The following IKZF1 variants were observed in gnomAD, a reference collection of about 807,000 sequenced individuals.
IKZF1 encodes the protein DNA-binding protein Ikaros.
In IKZF1, 10 loss-of-function variants were observed where a neutral mutation model predicts 51.7. The observed-to-expected ratio is 0.19, with a 90% CI of 0.12 to 0.33. The LOEUF is 0.33. IKZF1 is among the 10% of genes least tolerant of loss of function. The probability of loss-of-function intolerance (pLI) is 1.00; values close to 1 mark genes in which losing one functional copy is unlikely to be tolerated. For synonymous variants in IKZF1, 280 were observed against 282.3 expected, an observed-to-expected ratio of 0.99 and a Z score of 0.08; for missense variants, 484 against 707.5, an observed-to-expected ratio of 0.68 and a Z score of 3.58.
Position 50,339,146 on chromosome 7 carries a change from A to G in IKZF1, c.160+11389A>G, listed in dbSNP as rs1798459796. ...TTATCTGTGCACCACTAGCTTAAATACACTTTTAATGTCCTGACAGCTGAA... is the reference window on the plus strand; with the variant it reads ...TTATCTGTGCACCACTAGCTTAAATGCACTTTTAATGTCCTGACAGCTGAA... On this transcript the variant is annotated intron_variant, in intron 3 of 7. Coordinates refer to ENST00000331340, the MANE Select transcript of IKZF1 (RefSeq NM_006060.6). 2.0e-5 allele frequency among the ~76,000 whole-genome samples: 3 copies of G among 151,978 alleles called. No homozygotes were observed. The South Asian group carries it at 6.2e-4, about 32-fold the overall frequency.
intron 4 of IKZF1, among the ~76,000 whole-genome samples, chr7:50,377,595 G>A (rs547776517): frequency 5.3e-5 from 8 of 152,318 alleles, no homozygotes; most frequent in South Asian, 4.1e-4. Context: ...TCTAATAGCC[G>A]GTCACGTTGA....
chr7:50,391,104 C>A (rs1172376300), intron 6 of IKZF1, among the ~76,000 whole-genome samples: 1 of 152,186 alleles, frequency 6.6e-6, no homozygotes, highest in Admixed American at 6.5e-5. Flanking sequence ...TGACATAGAA[C>A]AATTGAGAAT....
intron 3 of IKZF1, among the ~76,000 whole-genome samples, chr7:50,370,564 A>G (rs1248064388): frequency 3.3e-5 from 5 of 152,348 alleles, no homozygotes; most frequent in South Asian, 2.1e-4. Context: ...AGATAGGTCA[A>G]TGAGATTTTA....
chr7:50,386,414 TG>T (rs894586415), intron 5 of IKZF1, among the ~76,000 whole-genome samples: 24 of 152,248 alleles, frequency 1.6e-4, no homozygotes, highest in Non-Finnish European at 3.2e-4. Flanking sequence ...CAGCTACATA[TG>T]GCTGGTGGCT....
At chr7:50,384,907 T>G (rs188209248) in intron 5 of IKZF1, among the ~76,000 whole-genome samples, 54 of 152,358 alleles carry the variant, frequency 3.5e-4, no homozygotes, top group Non-Finnish European at 7.5e-4. Context: ...TTACTCTGAT[T>G]GCAATGGAAT....
chr7:50,377,636 T>C (rs1317574667), intron 4 of IKZF1, among the ~76,000 whole-genome samples: 1 of 152,230 alleles, frequency 6.6e-6, no homozygotes, highest in Non-Finnish European at 1.5e-5. Flanking sequence ...CCAACAGAAC[T>C]GTCCAGTCAG....
intron 3 of IKZF1, among the ~76,000 whole-genome samples, chr7:50,340,385 AGAT>A (rs1444940554): frequency 6.6e-6 from 1 of 152,142 alleles, no homozygotes; most frequent in Non-Finnish European, 1.5e-5. Context: ...AATCACCAGG[AGAT>A]GATTCTGGTG....
At position 50,316,821 on chromosome 7, in the gene IKZF1, G is replaced by C. The variant is rs567108257; in HGVS notation, c.-14-2227G>C. Among the ~76,000 whole-genome samples, 6 of 152,342 alleles carry C rather than the reference G, an allele frequency of 3.9e-5. No homozygotes were observed. In the East Asian group the frequency reaches 5.8e-4, roughly 15 times the overall value. On this transcript the variant is annotated intron_variant, in intron 1 of 7. Transcript: ENST00000331340. The stretch of plus-strand genomic sequence containing the variant: ...TGGAAGGGCGTTTGCCAGTGGTGTT[G>C]GTTGGAAGAGCCTTGACTTTGCCTT...
chr7:50,328,393 G>A (rs1795625291), intron 3 of IKZF1: 1 of 152,224 alleles, frequency 6.6e-6, no homozygotes, highest in South Asian at 2.1e-4. Context: ...ACCAAAGACG[G>A]AGAGAAGTTC....
At chr7:50,348,039 A>G (rs1277038691) in intron 3 of IKZF1, among the ~76,000 whole-genome samples, 1 of 152,170 alleles carries the variant, frequency 6.6e-6, no homozygotes, top group East Asian at 1.9e-4. Context: ...ACCAAGGGAC[A>G]TTTTAGTGTA....
chr7:50,384,286 CA>C (rs1257995031), intron 5 of IKZF1, among the ~76,000 whole-genome samples: 6 of 152,218 alleles, frequency 3.9e-5, no homozygotes, highest in Admixed American at 3.3e-4. Context: ...TGGCTGGAGA[CA>C]AAAAGGAGAG....
intron 1 of IKZF1, among the ~76,000 whole-genome samples, chr7:50,315,367 G>T (rs1363398494): frequency 2.0e-5 from 3 of 152,198 alleles, no homozygotes; most frequent in Non-Finnish European, 4.4e-5. Context: ...GAGCAGTCCA[G>T]AGTTGGAGTG....
rs545012837 is a variant in IKZF1 at position 50,321,356 on chromosome 7, A to AGTG, written c.40+2256_40+2257insTGG. ...TTATAGCCTCTCATTTGGCTTCGCC[A>AGTG]GCCTCTCACTGCAGCCTCAGAGAGC... is the stretch of plus-strand genomic sequence containing the variant. On this transcript the variant is annotated intron_variant, in intron 2 of 7. Transcript: ENST00000331340. 4.5e-3 allele frequency among the ~76,000 whole-genome samples: 687 copies of AGTG among 152,368 alleles called. 3 individuals carry two copies. Among genetic ancestry groups the AGTG allele is most frequent in the Non-Finnish European group, 7.1e-3 (482 of 68,034 alleles).
Position 50,391,754 on chromosome 7 carries a change from T to C in IKZF1, c.741T>C (p.Ser247=), listed in dbSNP as rs764578749. Residue 247 remains serine, a synonymous_variant, in exon 7 of 8, where the codon AGT becomes AGC. Coordinates refer to ENST00000331340, the MANE Select transcript of IKZF1 (RefSeq NM_006060.6). ...TCATTAAAGAAGAAACTAATCACAG[T>C]GAAATGGCAGAAGACCTGTGCAAGA... is the stretch of plus-strand genomic sequence containing the variant. The part of the protein sequence containing the change: ...YPVIKEETNH[S]EMAEDLCKIG... 6 of 1,613,836 alleles carry C rather than the reference T, an allele frequency of 3.7e-6. No individual in the cohort carries two copies. The highest frequency in any genetic ancestry group is 5.1e-6 in the Non-Finnish European group (6 of 1,179,884).
chr7:50,346,409 C>T (rs775610303), intron 3 of IKZF1, among the ~76,000 whole-genome samples: 3 of 152,220 alleles, frequency 2.0e-5, no homozygotes, highest in Non-Finnish European at 4.4e-5. Flanking sequence ...TGCAGTGTAA[C>T]TACTTTCTCT....
At chr7:50,353,852 A>T (rs564715628) in intron 3 of IKZF1, among the ~76,000 whole-genome samples, 5 of 152,200 alleles carry the variant, frequency 3.3e-5, no homozygotes, top group African/African-American at 4.8e-5. Context: ...TGTTTTCTGC[A>T]GGAAGTTGCT....
chr7:50,375,266 CA>C (rs112338460), intron 3 of IKZF1, among the ~76,000 whole-genome samples: 1 of 150,358 alleles, frequency 6.7e-6, no homozygotes, highest in African/African-American at 2.4e-5. Flanking sequence ...CAAAAAACAC[CA>C]AAAAAAAATG....
chr7:50,312,602 C>T (rs781666576), intron 1 of IKZF1, among the ~76,000 whole-genome samples: 2 of 152,228 alleles, frequency 1.3e-5, no homozygotes, highest in Admixed American at 6.5e-5. Context: ...TTAAAATGTT[C>T]TGTTTCTTTT....
chr7:50,389,827 A>G (rs1814530050), intron 6 of IKZF1, among the ~76,000 whole-genome samples: 1 of 152,024 alleles, frequency 6.6e-6, no homozygotes, highest in African/African-American at 2.4e-5. Flanking sequence ...ATGAGTGGAA[A>G]CTGTGCCTTC....
Sources: allele counts gnomAD v4.1 joint callset (sites outside exome capture counted in the v4.1 genomes callset), GRCh38; gene constraint gnomAD v4.1.1; transcripts MANE v1.5; gene names NCBI Gene and HGNC (gene_info 2026-07-23, HGNC 2026-07-21).